ZNF33B: variants seen among roughly 807,000 people sequenced by gnomAD.
The protein encoded by ZNF33B is zinc finger protein 33B.
Under a neutral mutation model 45.8 loss-of-function variants are expected in ZNF33B, and 29 were observed. That is an observed-to-expected ratio of 0.63 (90% CI 0.47 to 0.86). The LOEUF (loss-of-function observed/expected upper bound fraction) is 0.86, where lower values mean the gene tolerates loss of function less well. Ranked by LOEUF, ZNF33B falls within the 40% of genes least tolerant of loss-of-function variation. The pLI, the probability that ZNF33B is intolerant of heterozygous loss-of-function variation, is 0.00. For missense variants in ZNF33B, 831 were observed against 909.9 expected (o/e 0.91, Z 1.12); for synonymous variants, 305 against 307.8 (o/e 0.99, Z 0.10).
At chr10:42,610,890 T>C (rs570440587) in intron 4 of ZNF33B, among the ~76,000 whole-genome samples, 1 of 152,360 alleles carries the variant, frequency 6.6e-6, no homozygotes, top group Non-Finnish European at 1.5e-5. Context: ...CATACACTTC[T>C]CAATTTGAAA....
At chr10:42,579,206 A>G (rs1836789570) in intron 1 of ZNF33B, among the ~76,000 whole-genome samples, 1 of 152,068 alleles carries the variant, frequency 6.6e-6, no homozygotes, top group Non-Finnish European at 1.5e-5. Context: ...TTTTAAAAAC[A>G]ATTTCTATTT....
intron 2 of ZNF33B, among the ~76,000 whole-genome samples, chr10:42,635,636 CCT>C (rs1259596036): frequency 6.6e-6 from 1 of 150,880 alleles, no homozygotes; most frequent in Non-Finnish European, 1.5e-5. Context: ...ATGGTGAAAC[CCT>C]GTCTCTACTA....
Position 42,594,124 on chromosome 10 carries a change from C to T in ZNF33B, c.826G>A (p.Glu276Lys). ...QIPPSKDSHY[E>K]FSDCEKFLCV... ...AAGAACTTCTCACAATCACTAAATT[C>T]ATAGTGACTGTCCTTTGATGGAGGT... The change falls in exon 5 of 5, where the codon GAA (glutamate) becomes AAA (lysine). Residue 276 changes from glutamate to lysine, a missense_variant. Physicochemically the swap from Glu to Lys is moderately conservative, Grantham distance 56. Transcript: ENST00000359467. 1 of 1,613,942 alleles carries T rather than the reference C, an allele frequency of 6.2e-7. No homozygotes were observed. Among genetic ancestry groups the T allele is most frequent in the Non-Finnish European group, 8.5e-7 (1 of 1,179,916 alleles).
intron 4 of ZNF33B, among the ~76,000 whole-genome samples, chr10:42,614,958 G>GAA (rs1029136881): frequency 7.6e-6 from 1 of 131,550 alleles, no homozygotes; most frequent in East Asian, 2.2e-4. Flanking sequence ...ATCTCAAAAA[G>GAA]AAAAAAAAAA....
rs1378138509 is a variant in ZNF33B at position 42,590,831 on chromosome 10, T to C, written c.*1782A>G. The stretch of plus-strand genomic sequence containing the variant: ...GTCTTCTGTTTTTTCTTAATCTAGC[T>C]AGAGGTTTATCAATTTTACCCACCT... On this transcript the variant is annotated 3_prime_UTR_variant, in exon 5 of 5. Coordinates refer to ENST00000359467, the MANE Select transcript of ZNF33B (RefSeq NM_006955.3). 3 of 152,216 alleles carry C rather than the reference T, an allele frequency of 2.0e-5. No homozygotes were observed. Among genetic ancestry groups the C allele is most frequent in the African/African-American group, 7.2e-5 (3 of 41,464 alleles). The allele number at this position is 152,216 out of a possible 1,614,324, so 9.4% of individuals were successfully genotyped here. A position where few individuals can be genotyped will look rare whatever the true frequency, so the allele number is the denominator to read the frequency against.
rs868407534 is a variant in ZNF33B at position 42,637,418 on chromosome 10, C to T, written c.-44-446G>A. Reference sequence around the variant, plus strand: ...CAGAAAACCATAAGCGTCAGTGCTTCAAAGAAAAAATCCGTTTTAATTTCT... The same window carrying T: ...CAGAAAACCATAAGCGTCAGTGCTTTAAAGAAAAAATCCGTTTTAATTTCT... On this transcript the variant is annotated intron_variant, in intron 1 of 4. Coordinates refer to ENST00000359467, the MANE Select transcript of ZNF33B (RefSeq NM_006955.3). 1.3e-5 allele frequency among the ~76,000 whole-genome samples: 2 copies of T among 152,278 alleles called. 1 individual carries two copies. The highest frequency in any genetic ancestry group is 4.1e-4 in the South Asian group (2 of 4,824).
At chr10:42,632,593 T>G (rs893533159) in intron 2 of ZNF33B, among the ~76,000 whole-genome samples, 154 bp from the exon 3 acceptor site, 1 of 152,234 alleles carries the variant, frequency 6.6e-6, no homozygotes, top group East Asian at 1.9e-4. Context: ...AAGATATTAA[T>G]TCATGCAAAA....
intron 4 of ZNF33B, among the ~76,000 whole-genome samples, chr10:42,613,144 G>T: frequency 6.6e-6 from 1 of 152,160 alleles, no homozygotes; most frequent in Admixed American, 6.5e-5. Flanking sequence ...AGGCAGGTCT[G>T]CACATAAGTA....
intron 4 of ZNF33B, among the ~76,000 whole-genome samples, chr10:42,606,696 C>G (rs1002420926): frequency 5.4e-5 from 8 of 148,868 alleles, no homozygotes; most frequent in African/African-American, 2.0e-4. Flanking sequence ...GGGTTGGGGG[C>G]AAGGGGAAGA....
chr10:42,585,582 T>A (rs1836916987), downstream of ZNF33B, among the ~76,000 whole-genome samples: 1 of 152,218 alleles, frequency 6.6e-6, no homozygotes, highest in South Asian at 2.1e-4. Context: ...CCAGCTTAGA[T>A]GCATAATACT....
chr10:42,621,219 C>A (rs1280747303), intron 4 of ZNF33B, among the ~76,000 whole-genome samples: 5 of 151,692 alleles, frequency 3.3e-5, no homozygotes, highest in Non-Finnish European at 7.4e-5. Context: ...CAGCTATAGC[C>A]CCCTCAGGAG....
At chr10:42,636,736 C>G in intron 2 of ZNF33B, 184 bp downstream of exon 2, 1 of 740,276 alleles carries the variant, frequency 1.4e-6, no homozygotes, top group Non-Finnish European at 2.2e-6. Context: ...AGGTGAATTG[C>G]TTGAACCCAG....
rs1838518715 is a variant in ZNF33B, at chr10:42,620,378, G to A, written c.250+11551C>T. Among the ~76,000 whole-genome samples, 4 of 151,952 alleles carry A rather than the reference G, an allele frequency of 2.6e-5. No individual in the cohort carries two copies. The South Asian group carries it at 8.3e-4, about 32-fold the overall frequency. On this transcript the variant is annotated intron_variant, in intron 4 of 4. Coordinates refer to ENST00000359467, the MANE Select transcript of ZNF33B (RefSeq NM_006955.3). ...AATTGCTTGAACTCACCAATCAGAAGACAGAGGCTGGCAGAATGGATTTGA... is the reference window on the plus strand; with the variant it reads ...AATTGCTTGAACTCACCAATCAGAAAACAGAGGCTGGCAGAATGGATTTGA...
chr10:42,596,286 A>C (rs1425290809), intron 4 of ZNF33B, among the ~76,000 whole-genome samples: 1 of 152,096 alleles, frequency 6.6e-6, no homozygotes, highest in African/African-American at 2.4e-5. Flanking sequence ...AACATATCTT[A>C]ATAAAACTAC....
chr10:42,582,713 T>C (rs1374341239), intron 1 of ZNF33B: 1 of 165,058 alleles, frequency 6.1e-6, no homozygotes, highest in African/African-American at 2.4e-5. Flanking sequence ...TGAATCTTCT[T>C]TTCCCACTTA....
In ZNF33B at chr10:42,592,986, T is replaced by A; in HGVS notation, c.1964A>T (p.His655Leu). 1.9e-6 allele frequency: 3 copies of A among 1,614,090 alleles called. No homozygotes were observed. Among genetic ancestry groups the A allele is most frequent in the Non-Finnish European group, 2.5e-6 (3 of 1,179,996 alleles). ...AFCHKSALIV[H>L]QRTHTQEKPY... The stretch of plus-strand genomic sequence containing the variant: ...CTTTTCTTGTGTATGGGTTCTCTGA[T>A]GTACAATTAGAGCTGACTTATGGCA... Residue 655 changes from histidine (H) to leucine (L), a missense_variant, in exon 5 of 5, where the codon CAT (histidine) becomes CTT (leucine). His to Leu is a moderately conservative substitution (Grantham distance 99). Transcript: ENST00000359467.
intron 4 of ZNF33B, among the ~76,000 whole-genome samples, chr10:42,613,923 T>C (rs532792221): frequency 3.3e-5 from 5 of 151,818 alleles, no homozygotes; most frequent in South Asian, 4.1e-4. Context: ...AAAGGAAATA[T>C]ATAAGATAAG....
At chr10:42,622,727 T>TA (rs1838646054) in intron 4 of ZNF33B, among the ~76,000 whole-genome samples, 1 of 152,296 alleles carries the variant, frequency 6.6e-6, no homozygotes, top group South Asian at 2.1e-4. Flanking sequence ...TTAATGGTGA[T>TA]AGAGTTTCTG....
At chr10:42,584,785 T>G (rs1301594017), downstream of ZNF33B, among the ~76,000 whole-genome samples, 1 of 152,192 alleles carries the variant, frequency 6.6e-6, no homozygotes, top group African/African-American at 2.4e-5. Flanking sequence ...CCTCCCAAAG[T>G]GCTGGGACTA....
Sources: gnomAD v4.1 joint callset for allele counts (sites outside exome capture counted in the v4.1 genomes callset) on GRCh38, gnomAD v4.1.1 for gene constraint, MANE v1.5 for transcripts, NCBI Gene and HGNC (gene_info 2026-07-23, HGNC 2026-07-21) for gene names.